The following USP25 variants were observed in gnomAD, a reference collection of about 807,000 sequenced individuals.
The protein encoded by USP25 is ubiquitin specific peptidase 25, also known as ubiquitin carboxyl-terminal hydrolase 25.
A neutral mutation model predicts 158.5 loss-of-function variants in USP25; 85 were observed. The ratio of observed to expected loss-of-function variants is 0.54; its 90% CI spans 0.45 to 0.64. The LOEUF is 0.64. Ranked by LOEUF, USP25 falls within the 30% of genes least tolerant of loss-of-function variation. The pLI is 0.00. For synonymous variants in USP25, 464 were observed against 460.4 expected (o/e 1.01, Z -0.10); for missense variants, 1,242 against 1,327.3 (o/e 0.94, Z 1.00).
chr21:15,857,452 A>T (rs950153819), intron 20 of USP25, among the ~76,000 whole-genome samples: 8 of 151,736 alleles, frequency 5.3e-5, no homozygotes, highest in Non-Finnish European at 1.0e-4. Context: ...ATATTTGCCT[A>T]AAAAAAGACA....
chr21:15,744,085 A>G (rs2032312576), intron 1 of USP25: 1 of 154,860 alleles, frequency 6.5e-6, no homozygotes, highest in Non-Finnish European at 1.5e-5. Flanking sequence ...GAACTGTAGC[A>G]GAGTAGCTGA....
At chr21:15,787,800 T>A (rs946591678) in intron 4 of USP25, among the ~76,000 whole-genome samples, 2 of 151,712 alleles carry the variant, frequency 1.3e-5, no homozygotes, top group East Asian at 3.9e-4. Context: ...GTGTAATACT[T>A]CCCAAAAAGG....
rs755308778 is a variant in USP25, at chr21:15,826,523, G to GT, written c.1466+165dup. ...TTAGAAGACTGTATGTCCTCTGGGA[G>GT]TTTTTTTATTATTTCAGTAGATTTT... On this transcript the variant is annotated intron_variant, in intron 13 of 25. Coordinates refer to ENST00000400183, the MANE Select transcript of USP25 (RefSeq NM_001283041.3). The surrounding 1 kb of genome is among the most constrained non-coding windows in gnomAD (Gnocchi z 4.8). Among the ~76,000 whole-genome samples the GT allele has an allele frequency of 2.0e-5, 3 of 152,052 alleles. No homozygotes were observed. The highest frequency in any genetic ancestry group is 1.9e-4 in the East Asian group (1 of 5,180).
At chr21:15,742,044 AG>A (rs764754212) in intron 1 of USP25, among the ~76,000 whole-genome samples, 1 of 152,054 alleles carries the variant, frequency 6.6e-6, no homozygotes, top group Non-Finnish European at 1.5e-5. Flanking sequence ...GTGCAGTTGC[AG>A]GGGTGGGATG....
intron 4 of USP25, among the ~76,000 whole-genome samples, chr21:15,783,707 C>T (rs766063774): frequency 3.3e-5 from 5 of 151,688 alleles, no homozygotes; most frequent in Non-Finnish European, 5.9e-5. Flanking sequence ...CCTGTAATCT[C>T]AGCACTTTGG....
chr21:15,874,340 T>C, intron 23 of USP25, 63 bp from the exon 24 acceptor site: 1 of 1,396,208 alleles, frequency 7.2e-7, no homozygotes, highest in Non-Finnish European at 9.8e-7. Flanking sequence ...TTCATAATTA[T>C]AGCTGACTTT....
At chr21:15,860,965 T>TAG (rs1169243685) in intron 20 of USP25, among the ~76,000 whole-genome samples, 3 of 141,866 alleles carry the variant, frequency 2.1e-5, no homozygotes, top group African/African-American at 7.6e-5. Flanking sequence ...TATATATATA[T>TAG]ATATATATAT....
intron 21 of USP25, 138 bp downstream of exon 21, chr21:15,864,584 T>G (rs1348937499): frequency 1.6e-5 from 12 of 750,014 alleles, no homozygotes; most frequent in African/African-American, 7.3e-5. Flanking sequence ...AAATTTGAAC[T>G]CAATGTGACT....
chr21:15,850,168 G>A (rs1410814363), intron 20 of USP25, among the ~76,000 whole-genome samples: 1 of 151,946 alleles, frequency 6.6e-6, no homozygotes, highest in African/African-American at 2.4e-5. Flanking sequence ...AGGGAATGAG[G>A]ACATTAATGA....
At chr21:15,814,219 G>T (rs2036818971) in intron 9 of USP25, among the ~76,000 whole-genome samples, 1 of 150,488 alleles carries the variant, frequency 6.6e-6, no homozygotes, top group Non-Finnish European at 1.5e-5. Flanking sequence ...AGTGCCTTTT[G>T]CCTCCTGCCA....
At chr21:15,827,616 T>C (rs981754862) in intron 14 of USP25, among the ~76,000 whole-genome samples, 7 of 152,192 alleles carry the variant, frequency 4.6e-5, no homozygotes, top group African/African-American at 1.7e-4. Context: ...GAATTAGAAA[T>C]GTGAATTTTA....
At chr21:15,834,437 T>C (rs1271901028) in intron 17 of USP25, among the ~76,000 whole-genome samples, 6 of 145,492 alleles carry the variant, frequency 4.1e-5, no homozygotes. Context: ...ATTGAATAAC[T>C]TTTTTTTTTT....
chr21:15,811,817 A>G (rs1424393155), intron 9 of USP25, among the ~76,000 whole-genome samples: 3 of 152,300 alleles, frequency 2.0e-5, no homozygotes, highest in South Asian at 2.1e-4. Context: ...ACTTCATGTA[A>G]TAATATTAGG....
rs561497826 is a variant in USP25, at chr21:15,801,093, A to G, written c.642+1250A>G. ...AATATCACAGTTCTTCTCTCTTCTC[A>G]TATCTCAAAGTATATGTATAATTTG... On this transcript the variant is annotated intron_variant, in intron 6 of 25. Transcript: ENST00000400183. Among the ~76,000 whole-genome samples, 17 of 151,630 alleles carry G rather than the reference A, an allele frequency of 1.1e-4. No homozygotes were observed. The East Asian group carries it at 3.3e-3, about 29-fold the overall frequency.
intron 22 of USP25, 116 bp from the exon 23 acceptor site, chr21:15,869,952 A>G (rs1332842763): frequency 3.0e-6 from 2 of 657,608 alleles, no homozygotes; most frequent in East Asian, 6.0e-5. Flanking sequence ...TTCATTTTGA[A>G]CTCTTTATTT....
At position 15,750,181 on chromosome 21, in the gene USP25, C is replaced by CGTGTGTGT. The variant is rs367779613; in HGVS notation, c.46-12687_46-12680dup. On this transcript the variant is annotated intron_variant, in intron 1 of 25. Transcript: ENST00000400183. ...TATACTTTAATGAAATCTCCAGTGCCGTGTGTGTGTGTGTGTGTGTGTGTG... is the reference window on the plus strand; with the variant it reads ...TATACTTTAATGAAATCTCCAGTGCCGTGTGTGTGTGTGTGTGTGTGTGTGTGTGTGTG... Among the ~76,000 whole-genome samples, 160 of 126,892 alleles carry CGTGTGTGT rather than the reference C, an allele frequency of 1.3e-3. 4 individuals are homozygous for CGTGTGTGT. Among genetic ancestry groups the CGTGTGTGT allele is most frequent in the African/African-American group, 5.1e-3 (147 of 29,014 alleles). 83.2% of individuals were successfully genotyped at this position (126,892 alleles called of 152,430 possible). A position where few individuals can be genotyped will look rare whatever the true frequency, so the allele number is the denominator to read the frequency against.
intron 5 of USP25, among the ~76,000 whole-genome samples, chr21:15,792,353 T>A (rs746868453): frequency 1.3e-5 from 2 of 151,724 alleles, no homozygotes; most frequent in African/African-American, 4.8e-5. Flanking sequence ...CGGTTGACAT[T>A]GATAATGTTA....
At chr21:15,795,913 C>G (rs990804205) in intron 5 of USP25, among the ~76,000 whole-genome samples, 1 of 151,518 alleles carries the variant, frequency 6.6e-6, no homozygotes, top group Admixed American at 6.6e-5. Flanking sequence ...GAATTTATCA[C>G]GCTTCTCAGT....
At chr21:15,821,324 A>T (rs1601024997) in intron 10 of USP25, among the ~76,000 whole-genome samples, 1 of 152,032 alleles carries the variant, frequency 6.6e-6, no homozygotes, top group East Asian at 1.9e-4. Context: ...TATTTATAAA[A>T]TTAAATTGAT....
Sources: allele counts gnomAD v4.1 joint callset (sites outside exome capture counted in the v4.1 genomes callset), GRCh38; gene constraint gnomAD v4.1.1; non-coding constraint Gnocchi (gnomAD v3.1); transcripts MANE v1.5; gene names NCBI Gene and HGNC (gene_info 2026-07-23, HGNC 2026-07-21).